Variants in RARB observed in about 807,000 individuals in gnomAD.
The protein encoded by RARB is HBV-activated protein.
Under a neutral mutation model 51.9 loss-of-function variants are expected in RARB, and 17 were observed. The observed-to-expected ratio is 0.33, with a 90% CI of 0.22 to 0.49. The LOEUF (loss-of-function observed/expected upper bound fraction) is 0.49. Among genes scored for constraint, RARB ranks in the 20% least tolerant of loss-of-function variants. The pLI is 0.99. For missense variants in RARB, 369 were observed against 550.8 expected (o/e 0.67, Z 3.30); for synonymous variants, 215 against 195.4 (o/e 1.10, Z -0.84).
intron 5 of RARB, among the ~76,000 whole-genome samples, chr3:25,351,947 G>A (rs1445118507): frequency 2.0e-5 from 3 of 152,186 alleles, no homozygotes; most frequent in Non-Finnish European, 4.4e-5. Flanking sequence ...AGCCATTTTA[G>A]ATCCTAGGCC....
chr3:25,120,268 G>C (rs1268116098), intron 3 of RARB, among the ~76,000 whole-genome samples: 1 of 152,062 alleles, frequency 6.6e-6, no homozygotes, highest in Admixed American at 6.6e-5. Context: ...AGACAGTAGA[G>C]AGTAGTGACG....
chr3:24,831,358 G>A (rs985328254), intron 1 of RARB, among the ~76,000 whole-genome samples: 1 of 152,174 alleles, frequency 6.6e-6, no homozygotes, highest in South Asian at 2.1e-4. Flanking sequence ...ATTAACGATT[G>A]TAATTTAACG....
intron 5 of RARB, among the ~76,000 whole-genome samples, chr3:25,265,527 C>T (rs1045161821): frequency 2.6e-5 from 4 of 152,182 alleles, no homozygotes; most frequent in African/African-American, 9.7e-5. Flanking sequence ...GGCTGCAGTG[C>T]AGTGGTGCAA....
chr3:24,970,980 G>A (rs1373737243), intron 2 of RARB, among the ~76,000 whole-genome samples: 3 of 151,828 alleles, frequency 2.0e-5, no homozygotes, highest in Non-Finnish European at 4.4e-5. Context: ...GCTCACCCTG[G>A]TACTAGTTCT....
intron 2 of RARB, among the ~76,000 whole-genome samples, chr3:24,988,791 A>G (rs919599247): frequency 1.3e-5 from 2 of 151,986 alleles, no homozygotes; most frequent in Non-Finnish European, 2.9e-5. Context: ...CCATTCTCCT[A>G]TTGATGGCCA....
chr3:25,091,459 T>TCAGGAAATGTC (rs1699197556), intron 3 of RARB, among the ~76,000 whole-genome samples: 1 of 152,168 alleles, frequency 6.6e-6, no homozygotes, highest in Non-Finnish European at 1.5e-5. Flanking sequence ...AATAGCGGCT[T>TCAGGAAATGTC]CTGAACTAAA....
intron 5 of RARB, among the ~76,000 whole-genome samples, chr3:25,260,184 G>T (rs1479384443): frequency 6.6e-6 from 1 of 152,162 alleles, no homozygotes; most frequent in Non-Finnish European, 1.5e-5. Flanking sequence ...CACCCTGGTT[G>T]TATTCCTTTA....
chr3:25,295,059 T>G (rs972492360), intron 5 of RARB, among the ~76,000 whole-genome samples: 1 of 152,178 alleles, frequency 6.6e-6, no homozygotes, highest in Admixed American at 6.5e-5. Flanking sequence ...TTACCCAAAT[T>G]ATATAGACTA....
chr3:25,452,712 C>T (rs141877431), intron 1 of RARB, among the ~76,000 whole-genome samples: 31 of 152,206 alleles, frequency 2.0e-4, no homozygotes, highest in Non-Finnish European at 2.5e-4. Flanking sequence ...TCATTTACAT[C>T]TCATTTATAA....
At chr3:24,873,410 T>C (rs1302904423) in intron 2 of RARB, among the ~76,000 whole-genome samples, 1 of 152,132 alleles carries the variant, frequency 6.6e-6, no homozygotes, top group Non-Finnish European at 1.5e-5. Context: ...CAATTATCTT[T>C]TTAAATCTCT....
At chr3:25,573,758 C>T (rs1700807380) in intron 4 of RARB, among the ~76,000 whole-genome samples, 1 of 152,216 alleles carries the variant, frequency 6.6e-6, no homozygotes. Flanking sequence ...ACCAGAGTGG[C>T]ATCCCTGTCA....
At chr3:25,180,434 C>G (rs895820101) in intron 5 of RARB, among the ~76,000 whole-genome samples, 2 of 152,146 alleles carry the variant, frequency 1.3e-5, no homozygotes, top group African/African-American at 4.8e-5. Context: ...GAAAATGAGA[C>G]TTTCCATATC....
At chr3:25,013,225 G>T (rs1697434811) in intron 2 of RARB, among the ~76,000 whole-genome samples, 1 of 152,056 alleles carries the variant, frequency 6.6e-6, no homozygotes, top group African/African-American at 2.4e-5. Flanking sequence ...ATGACCTTTG[G>T]CATGAAGACC....
chr3:25,013,609 G>C (rs1435236847), intron 2 of RARB, among the ~76,000 whole-genome samples: 1 of 151,982 alleles, frequency 6.6e-6, no homozygotes, highest in Non-Finnish European at 1.5e-5. Flanking sequence ...ATCAGAGTCA[G>C]TCATTATAGG....
chr3:25,215,462 C>T (rs1220202754), intron 5 of RARB, among the ~76,000 whole-genome samples: 1 of 152,094 alleles, frequency 6.6e-6, no homozygotes, highest in Non-Finnish European at 1.5e-5. Flanking sequence ...TGACCATTCA[C>T]ATAGTTGTGA....
intron 5 of RARB, among the ~76,000 whole-genome samples, chr3:25,582,156 A>G (rs546143769): frequency 7.9e-5 from 12 of 152,342 alleles, no homozygotes; most frequent in Admixed American, 2.6e-4. Flanking sequence ...AGTAACAGAG[A>G]CAATGTGGGC....
rs535736495 is a variant in RARB, at chr3:25,571,462, A to G, written c.609+1544A>G. Reference sequence around the variant, plus strand: ...TCCACCTCGCCCATTGGTGTCAGCCAGGAGAAACACTGGCATGTCTGCCAG... The same window carrying G: ...TCCACCTCGCCCATTGGTGTCAGCCGGGAGAAACACTGGCATGTCTGCCAG... On this transcript the variant is annotated intron_variant, in intron 4 of 7. Transcript: ENST00000330688. Among the ~76,000 whole-genome samples, 5 of 152,364 alleles carry G rather than the reference A, an allele frequency of 3.3e-5. No homozygotes were observed. In the East Asian group the frequency reaches 9.6e-4, roughly 29 times the overall value.
At chr3:25,137,852 G>A (rs1276983419) in intron 4 of RARB, among the ~76,000 whole-genome samples, 1 of 152,052 alleles carries the variant, frequency 6.6e-6, no homozygotes, top group Non-Finnish European at 1.5e-5. Flanking sequence ...TGACTGAGAG[G>A]CGAAACTACT....
chr3:25,010,147 G>A lies in RARB; in HGVS notation c.-379-49978G>A, dbSNP rs909246760. Among the ~76,000 whole-genome samples, 5 of 151,258 alleles carry A rather than the reference G, an allele frequency of 3.3e-5. No homozygotes were observed. The East Asian group carries it at 7.7e-4, about 23-fold the overall frequency. On this transcript the variant is annotated intron_variant, in intron 2 of 11. Coordinates refer to the RARB transcript ENST00000383772. ...CCAACTTTTTTTTATACCGAGGCCAGGACAGAGGAGCTAAAGAAAACCTTA... is the reference window on the plus strand; with the variant it reads ...CCAACTTTTTTTTATACCGAGGCCAAGACAGAGGAGCTAAAGAAAACCTTA...
Sources: allele counts gnomAD v4.1 joint callset (sites outside exome capture counted in the v4.1 genomes callset), GRCh38; gene constraint gnomAD v4.1.1; transcripts MANE v1.5; gene names NCBI Gene and HGNC (gene_info 2026-07-23, HGNC 2026-07-21).